Variants in NBDY observed in about 807,000 individuals in gnomAD.
NBDY encodes the protein P-body dissociating protein.
At chrX:56,816,042 C>T (rs1184454265) in intron 2 of NBDY, among the ~76,000 whole-genome samples, 1 of 110,720 alleles carries the variant, frequency 9.0e-6, no homozygotes. Flanking sequence ...AAATTTTATA[C>T]GAAGAAAAAC....
intron 2 of NBDY, among the ~76,000 whole-genome samples, chrX:56,787,056 C>A (rs766953429): frequency 1.8e-5 from 2 of 111,139 alleles, no homozygotes; most frequent in South Asian, 3.8e-4. Context: ...AAGTTGTCAT[C>A]TCTCTCCTTT....
chrX:56,766,549 A>C (rs757237067), intron 2 of NBDY, among the ~76,000 whole-genome samples: 21 of 112,365 alleles, frequency 1.9e-4, no homozygotes, highest in African/African-American at 6.8e-4. Flanking sequence ...TGGGACACAA[A>C]CACACATCGC....
intron 2 of NBDY, among the ~76,000 whole-genome samples, chrX:56,782,780 C>T (rs1363813758): frequency 1.8e-5 from 2 of 111,611 alleles, no homozygotes; most frequent in African/African-American, 6.5e-5. Flanking sequence ...AGGGTGTCTC[C>T]GCCACATGCC....
At chrX:56,801,562 C>G (rs1165807214) in intron 2 of NBDY, among the ~76,000 whole-genome samples, 1 of 110,986 alleles carries the variant, frequency 9.0e-6, no homozygotes, top group African/African-American at 3.3e-5. Context: ...TCTGGTGTTC[C>G]ACAAAGGCGC....
chrX:56,802,871 C>T (rs1392507535), intron 2 of NBDY, among the ~76,000 whole-genome samples: 1 of 112,671 alleles, frequency 8.9e-6, no homozygotes, highest in Non-Finnish European at 1.9e-5. Context: ...GTCGTAGGGT[C>T]CCTTAAGTTT....
intron 2 of NBDY, among the ~76,000 whole-genome samples, chrX:56,760,612 A>G (rs866566177): frequency 2.1e-4 from 23 of 112,142 alleles, no homozygotes; most frequent in Non-Finnish European, 2.6e-4. Context: ...TGAACCCGGG[A>G]GACGGAGGTT....
At chrX:56,766,664 C>T (rs887921734) in intron 2 of NBDY, among the ~76,000 whole-genome samples, 65 of 111,639 alleles carry the variant, frequency 5.8e-4, no homozygotes, top group African/African-American at 2.1e-3. Flanking sequence ...AGTCATTATG[C>T]CATTTATTGG....
chrX:56,737,962 A>G (rs1024142674), intron 2 of NBDY, among the ~76,000 whole-genome samples: 2 of 111,378 alleles, frequency 1.8e-5, no homozygotes, highest in African/African-American at 6.5e-5. Context: ...GTCAGTGTGT[A>G]TTTCCTCAGA....
chrX:56,760,409 G>A (rs1473683539), intron 2 of NBDY, among the ~76,000 whole-genome samples: 1 of 112,650 alleles, frequency 8.9e-6, no homozygotes, highest in African/African-American at 3.2e-5. Flanking sequence ...ACTGGGGCTG[G>A]GTGCGGTGGC....
chrX:56,740,954 A>G (rs996914594), intron 2 of NBDY, among the ~76,000 whole-genome samples: 3 of 110,267 alleles, frequency 2.7e-5, no homozygotes, highest in Non-Finnish European at 3.8e-5. Flanking sequence ...TTCTTTTTGT[A>G]TACCCGTTAA....
intron 2 of NBDY, chrX:56,737,648 C>A (rs771227248): frequency 9.1e-6 from 3 of 329,161 alleles, no homozygotes; most frequent in Non-Finnish European, 1.6e-5. Context: ...GCTGCTCATC[C>A]CAACAGAATT....
chrX:56,807,982 T>C (rs1306888816), intron 2 of NBDY, among the ~76,000 whole-genome samples: 5 of 111,989 alleles, frequency 4.5e-5, no homozygotes, highest in Admixed American at 9.5e-5. Flanking sequence ...TGTTTTGAGA[T>C]ACATTCCATC....
chrX:56,745,319 G>GTAAC (rs1356817133), intron 2 of NBDY, among the ~76,000 whole-genome samples: 1 of 110,956 alleles, frequency 9.0e-6, no homozygotes, highest in African/African-American at 3.3e-5. Context: ...TTAATCATGG[G>GTAAC]TAACTGAAAC....
chrX:56,783,613 G>C (rs2069709613), intron 2 of NBDY, among the ~76,000 whole-genome samples: 1 of 112,076 alleles, frequency 8.9e-6, no homozygotes. Flanking sequence ...CTAAACCCCA[G>C]TCGGGGAAAC....
intron 2 of NBDY, among the ~76,000 whole-genome samples, chrX:56,794,753 C>A (rs1048459600): frequency 8.9e-6 from 1 of 112,048 alleles, no homozygotes; most frequent in Admixed American, 9.4e-5. Context: ...GAGACCAGGC[C>A]GAATGCTGGT....
intron 2 of NBDY, among the ~76,000 whole-genome samples, chrX:56,758,321 A>AGG (rs1569286624): frequency 1.1e-3 from 117 of 107,529 alleles, no homozygotes; most frequent in Non-Finnish European, 2.0e-3. Flanking sequence ...GTCTCGAAAA[A>AGG]AAAAAAAAAA....
At chrX:56,815,145 A>G (rs1049876488) in intron 2 of NBDY, among the ~76,000 whole-genome samples, 41 of 111,496 alleles carry the variant, frequency 3.7e-4, no homozygotes, top group African/African-American at 1.2e-3. Context: ...CCATCAATAA[A>G]TTATTTACTC....
At chrX:56,750,105 C>T (rs2069577041) in intron 2 of NBDY, among the ~76,000 whole-genome samples, 1 of 111,460 alleles carries the variant, frequency 9.0e-6, no homozygotes, top group Non-Finnish European at 1.9e-5. Context: ...AAACCATTGG[C>T]ACAGGAGAAA....
intron 2 of NBDY, among the ~76,000 whole-genome samples, chrX:56,782,961 A>C (rs964336407): frequency 8.9e-6 from 1 of 112,659 alleles, no homozygotes; most frequent in Admixed American, 9.3e-5. Flanking sequence ...GCCTAAGCGG[A>C]CACACACACA....
Sources: allele counts gnomAD v4.1 joint callset (sites outside exome capture counted in the v4.1 genomes callset), GRCh38; gene constraint gnomAD v4.1.1; transcripts MANE v1.5; gene names NCBI Gene and HGNC (gene_info 2026-07-23, HGNC 2026-07-21).